E2F7: variants seen among roughly 807,000 people sequenced by gnomAD.
E2F7 encodes E2F transcription factor 7.
Under a neutral mutation model 81.1 loss-of-function variants are expected in E2F7, and 35 were observed. That is an observed-to-expected ratio of 0.43 (90% CI 0.33 to 0.57). The LOEUF (loss-of-function observed/expected upper bound fraction) is 0.57. Among genes scored for constraint, E2F7 ranks in the 20% least tolerant of loss-of-function variants. The pLI is 0.04. For synonymous variants in E2F7, 416 were observed against 416.2 expected (o/e 1.00, Z 0.01); for missense variants, 961 against 1,093.7 (o/e 0.88, Z 1.71).
chr12:77,030,926 C>T (rs111792852), intron 9 of E2F7, among the ~76,000 whole-genome samples: 1,946 of 152,302 alleles, frequency 0.013, 20 homozygotes, highest in Non-Finnish European at 0.019. Flanking sequence ...TCATTTGTCT[C>T]ATTTCACAAA....
In E2F7 at chr12:77,043,078, G is replaced by A; in HGVS notation, c.1110C>T (p.Asp370=). 6.2e-7 allele frequency: 1 copy of A among 1,614,100 alleles called. No individual in the cohort carries two copies. The highest frequency in any genetic ancestry group is 1.7e-4 in the Middle Eastern group (1 of 6,060). The change falls in exon 7 of 13, where the codon GAC becomes GAT. Residue 370 remains aspartate (D), a synonymous_variant. Coordinates refer to ENST00000322886, the MANE Select transcript of E2F7 (RefSeq NM_203394.3). ...ACGCCACCTTACCACTTGAGCTGAAGTCCACAGGCCCGATCCACTTGAAGG... is the reference window on the plus strand; with the variant it reads ...ACGCCACCTTACCACTTGAGCTGAAATCCACAGGCCCGATCCACTTGAAGG... ...KPAFKWIGPV[D]FSSSDEELVD...
intron 11 of E2F7, among the ~76,000 whole-genome samples, chr12:77,026,616 A>C (rs1954762052): frequency 6.6e-6 from 1 of 152,144 alleles, no homozygotes; most frequent in Admixed American, 6.5e-5. Context: ...TATCTTTATA[A>C]GTTCCTAACT....
chr12:77,031,610 C>T (rs7953877), intron 9 of E2F7, among the ~76,000 whole-genome samples: 1,655 of 152,286 alleles, frequency 0.011, 26 homozygotes, highest in African/African-American at 0.036. Context: ...CACTGCACCC[C>T]AGCCTGCGCA....
At chr12:77,056,852 G>A (rs142793846) in intron 2 of E2F7, among the ~76,000 whole-genome samples, 2 of 151,090 alleles carry the variant, frequency 1.3e-5, no homozygotes, top group African/African-American at 4.9e-5. Flanking sequence ...AGATATGGTG[G>A]CAATACTGAA....
At chr12:77,029,001 T>C (rs570031135) in intron 10 of E2F7, among the ~76,000 whole-genome samples, 13 of 152,312 alleles carry the variant, frequency 8.5e-5, no homozygotes, top group African/African-American at 3.1e-4. Context: ...CTGTGAAATA[T>C]ATTTCTGAGC....
At position 77,024,094 on chromosome 12, in the gene E2F7, T is replaced by C. The variant is rs146918336; in HGVS notation, c.2657A>G (p.Lys886Arg). 6.1e-5 allele frequency: 98 copies of C among 1,614,028 alleles called. 1 individual carries two copies. In the African/African-American group the frequency reaches 1.1e-3, roughly 18 times the overall value. Reference protein sequence around the residue: ...TPGSLGDPVLKRRERNQSRNT... With the variant: ...TPGSLGDPVLRRRERNQSRNT... ...TCGTGACTGGTTCCTTTCTCTTCTC[T>C]TCAGGACAGGGTCTCCAAGGCTGCC... Residue 886 changes from lysine to arginine, a missense_variant, in exon 13 of 13, where the codon AAG becomes AGG. Around this residue, in one of 3 missense-constraint regions of E2F7, gnomAD observed 587 missense variants for 620.3 expected, o/e 0.95. Coordinates refer to ENST00000322886, the MANE Select transcript of E2F7 (RefSeq NM_203394.3).
At chr12:77,032,992 C>G in intron 9 of E2F7, 58 bp downstream of exon 9, 1 of 1,529,606 alleles carries the variant, frequency 6.5e-7, no homozygotes, top group Non-Finnish European at 8.9e-7. Context: ...GCAATTTAGT[C>G]AAAGTTAACA....
Position 77,028,058 on chromosome 12 carries a change from C to G in E2F7, c.1965G>C (p.Val655=). The part of the protein sequence containing the change: ...RASIPLKDIH[V]NGQLPAAEEI... The stretch of plus-strand genomic sequence containing the variant: ...CTTCTGCAGCAGGGAGTTGGCCATT[C>G]ACATGAATGTCTTTGAGGGGTATAG... Residue 655 remains valine, a synonymous_variant, in exon 11 of 13, where the codon GTG becomes GTC. Coordinates refer to ENST00000322886, the MANE Select transcript of E2F7 (RefSeq NM_203394.3). 6.2e-7 allele frequency: 1 copy of G among 1,614,196 alleles called. No homozygotes were observed. The highest frequency in any genetic ancestry group is 8.5e-7 in the Non-Finnish European group (1 of 1,180,046).
chr12:77,056,887 ACT>A (rs1565912703), intron 2 of E2F7, among the ~76,000 whole-genome samples: 1 of 147,868 alleles, frequency 6.8e-6, no homozygotes, highest in Non-Finnish European at 1.5e-5. Context: ...TATTTTTCTT[ACT>A]TTTTTTTTTT....
At chr12:77,027,335 G>A (rs1315813435) in intron 11 of E2F7, among the ~76,000 whole-genome samples, 1 of 152,182 alleles carries the variant, frequency 6.6e-6, no homozygotes, top group Non-Finnish European at 1.5e-5. Context: ...TATTCTAAGT[G>A]CTTTAGATGT....
intron 10 of E2F7, among the ~76,000 whole-genome samples, chr12:77,028,890 G>A (rs954233297): frequency 1.3e-5 from 2 of 152,202 alleles, no homozygotes; most frequent in Non-Finnish European, 2.9e-5. Flanking sequence ...TTGTAGGAAT[G>A]GTCTGAAAAG....
At position 77,056,038 on chromosome 12, in the gene E2F7, T is replaced by C; in HGVS notation, c.186A>G (p.Pro62=). Residue 62 remains proline, a synonymous_variant, in exon 3 of 13, where the codon CCA becomes CCG. Transcript: ENST00000322886. ...TAACTGGAGTAATGGGATTTCTTTC[T>C]GGAGTAAATTTTTTTTGCTTCGATA... ...IDLSKQKKFT[P]ERNPITPVKF... is the part of the protein sequence containing the mutation. 3 of 1,614,194 alleles carry C rather than the reference T, an allele frequency of 1.9e-6. No homozygotes were observed. The highest frequency in any genetic ancestry group is 1.6e-4 in the Middle Eastern group (1 of 6,062).
chr12:77,062,098 C>CA (rs1955083163), intron 2 of E2F7, among the ~76,000 whole-genome samples: 1 of 152,102 alleles, frequency 6.6e-6, no homozygotes, highest in African/African-American at 2.4e-5. Flanking sequence ...TAACTGAGGG[C>CA]AGGGTGGACA....
At chr12:77,027,850 C>T (rs776420880) in intron 11 of E2F7, 33 bp downstream of exon 11, 1 of 1,606,048 alleles carries the variant, frequency 6.2e-7, no homozygotes, top group African/African-American at 1.3e-5. Context: ...CTGACTGCCG[C>T]AAGGGACTCT....
chr12:77,039,971 G>A (rs936825877), intron 7 of E2F7, among the ~76,000 whole-genome samples: 14 of 152,106 alleles, frequency 9.2e-5, no homozygotes, highest in Admixed American at 5.2e-4. Flanking sequence ...GAAAGGAGCC[G>A]GACCAAAAGA....
Position 77,023,997 on chromosome 12 carries a change from A to G in E2F7, c.*18T>C. ...TCTCAGGGCGTTTGATCCCACCCCC[A>G]CCTGGCAAAGCGGCAGGTTAGTCAG... On this transcript the variant is annotated 3_prime_UTR_variant, in exon 13 of 13. Transcript: ENST00000322886. 4 of 1,609,214 alleles carry G rather than the reference A, an allele frequency of 2.5e-6. No individual in the cohort carries two copies. The highest frequency in any genetic ancestry group is 1.7e-6 in the Non-Finnish European group (2 of 1,177,644).
In E2F7 at chr12:77,025,544, A is replaced by G; in HGVS notation, c.2565+14T>C. On this transcript the variant is annotated intron_variant, in intron 12 of 12. Transcript: ENST00000322886. ...CCCAGAGTGACAGTGTCTTCAGGAA[A>G]CTTCAGGCCTCACCTGATGTAATTT... 1 of 1,611,794 alleles carries G rather than the reference A, an allele frequency of 6.2e-7. No individual in the cohort carries two copies. Among genetic ancestry groups the G allele is most frequent in the South Asian group, 1.1e-5 (1 of 90,962 alleles).
intron 9 of E2F7, 74 bp from the exon 10 acceptor site, chr12:77,030,406 C>T: frequency 6.7e-7 from 1 of 1,487,040 alleles, no homozygotes. Context: ...CCAAAGACAG[C>T]CATGCCAAAT....
At chr12:77,027,623 G>A (rs150389640) in intron 11 of E2F7, among the ~76,000 whole-genome samples, 3 of 152,244 alleles carry the variant, frequency 2.0e-5, no homozygotes, top group South Asian at 2.1e-4. Flanking sequence ...CTGAATTACC[G>A]TGCTTTTTCA....
Sources: gnomAD v4.1 joint callset for allele counts (sites outside exome capture counted in the v4.1 genomes callset) on GRCh38, gnomAD v4.1.1 for gene constraint, gnomAD v4.1.1 regional missense constraint, MANE v1.5 for transcripts, NCBI Gene and HGNC (gene_info 2026-07-23, HGNC 2026-07-21) for gene names.